Variants in EPB41L3 observed in about 807,000 individuals in gnomAD.
EPB41L3 encodes erythrocyte membrane protein band 4.1 like 3.
Under a neutral mutation model 127.1 loss-of-function variants are expected in EPB41L3, and 57 were observed. That is an observed-to-expected ratio of 0.45 (90% CI 0.36 to 0.56). EPB41L3 has a LOEUF of 0.56. Ranked by LOEUF, EPB41L3 falls within the 20% of genes least tolerant of loss-of-function variation. The pLI is 0.00. For missense variants in EPB41L3, 1,273 were observed against 1,372.2 expected (o/e 0.93, Z 1.14); for synonymous variants, 572 against 549.5 (o/e 1.04, Z -0.57).
At chr18:5,461,735 C>T (rs996085146) in intron 3 of EPB41L3, among the ~76,000 whole-genome samples, 1 of 152,098 alleles carries the variant, frequency 6.6e-6, no homozygotes, top group African/African-American at 2.4e-5. Context: ...AAAATATCCA[C>T]AATAGCAATC....
intron 3 of EPB41L3, among the ~76,000 whole-genome samples, chr18:5,596,331 C>T (rs79595961): frequency 0.012 from 1,779 of 152,304 alleles, 27 homozygotes; most frequent in African/African-American, 0.035. Context: ...GTAAGGCTGA[C>T]GTGCTGGTCA....
chr18:5,550,667 G>C (rs954187321), intron 3 of EPB41L3, among the ~76,000 whole-genome samples: 1 of 152,140 alleles, frequency 6.6e-6, no homozygotes, highest in African/African-American at 2.4e-5. Context: ...GCCCCAGAAG[G>C]CTTCTTCTAT....
intron 16 of EPB41L3, among the ~76,000 whole-genome samples, chr18:5,405,811 A>T (rs1270787792): frequency 1.1e-4 from 6 of 56,516 alleles, no homozygotes; most frequent in South Asian, 1.1e-3. Flanking sequence ...AACAAAAAAA[A>T]CTATGTCTCA....
At chr18:5,605,995 A>G (rs1170952161) in intron 3 of EPB41L3, among the ~76,000 whole-genome samples, 1 of 152,158 alleles carries the variant, frequency 6.6e-6, no homozygotes, top group East Asian at 1.9e-4. Context: ...AATGGCACAC[A>G]CACCAATGGG....
chr18:5,594,760 G>A (rs917044517), intron 3 of EPB41L3, among the ~76,000 whole-genome samples: 1 of 152,184 alleles, frequency 6.6e-6, no homozygotes, highest in Admixed American at 6.5e-5. Context: ...TACTAAGGAT[G>A]AAGATTTGAT....
At chr18:5,535,985 T>C (rs2093560361) in intron 1 of EPB41L3, among the ~76,000 whole-genome samples, 1 of 152,300 alleles carries the variant, frequency 6.6e-6, no homozygotes, top group Non-Finnish European at 1.5e-5. Context: ...ATATTTTGAT[T>C]CTGGAGAGTC....
At chr18:5,404,526 G>A (rs1377048440) in intron 16 of EPB41L3, among the ~76,000 whole-genome samples, 1 of 152,078 alleles carries the variant, frequency 6.6e-6, no homozygotes, top group Non-Finnish European at 1.5e-5. Context: ...TTAATATCCA[G>A]GGAAAGTTCA....
chr18:5,595,122 G>A (rs898459544), intron 3 of EPB41L3, among the ~76,000 whole-genome samples: 1 of 152,080 alleles, frequency 6.6e-6, no homozygotes, highest in African/African-American at 2.4e-5. Flanking sequence ...ATTGACTTCT[G>A]GGCAAATGGT....
chr18:5,438,980 C>T (rs1340278569), intron 5 of EPB41L3, among the ~76,000 whole-genome samples: 1 of 152,020 alleles, frequency 6.6e-6, no homozygotes, highest in Non-Finnish European at 1.5e-5. Flanking sequence ...ATGGAAAATA[C>T]CCTTTTCTTT....
intron 1 of EPB41L3, among the ~76,000 whole-genome samples, chr18:5,508,988 G>A (rs1180986767): frequency 6.6e-6 from 1 of 152,108 alleles, no homozygotes; most frequent in Non-Finnish European, 1.5e-5. Flanking sequence ...TCATGGAAGT[G>A]TTACAAGACC....
intron 3 of EPB41L3, among the ~76,000 whole-genome samples, chr18:5,554,781 C>T (rs1182785508): frequency 4.3e-5 from 5 of 115,034 alleles, no homozygotes; most frequent in African/African-American, 1.3e-4. Flanking sequence ...AGGATTCAAG[C>T]AGGGCCCTCT....
chr18:5,398,392 T>C lies in EPB41L3; in HGVS notation c.2350-249A>G, dbSNP rs961780245. ...GATTTAAGCAGATATATATATTTTT[T>C]CCCCTTCATTGCAAGCCACAGCAGC... On this transcript the variant is annotated intron_variant, in intron 16 of 22. Coordinates refer to ENST00000341928, the MANE Select transcript of EPB41L3 (RefSeq NM_012307.5). The C allele has an allele frequency of 4.9e-5, 24 of 494,138 alleles. No homozygotes were observed. The Admixed American group carries it at 8.8e-4, about 18-fold the overall frequency. The allele number at this position is 494,138 out of a possible 1,614,324, so 30.6% of individuals were successfully genotyped here.
At chr18:5,625,556 C>T (rs978237688) in intron 1 of EPB41L3, among the ~76,000 whole-genome samples, 11 of 152,202 alleles carry the variant, frequency 7.2e-5, no homozygotes, top group African/African-American at 2.4e-4. Context: ...TGGGGAATAA[C>T]TGGGTAAAGT....
chr18:5,551,710 A>G lies in EPB41L3; in HGVS notation c.-306+60630T>C, dbSNP rs535932949. Among the ~76,000 whole-genome samples the G allele has an allele frequency of 2.5e-4, 38 of 152,312 alleles. No homozygotes were observed. The South Asian group carries it at 7.7e-3, about 31-fold the overall frequency. The stretch of plus-strand genomic sequence containing the variant: ...ACTCCAGCCTGGGCAACAGAGCAAG[A>G]CCCTATCTCAACAAAACAAAATTTT... On this transcript the variant is annotated intron_variant, in intron 3 of 21. Transcript: ENST00000545076.
At chr18:5,534,019 A>G (rs895183784) in intron 1 of EPB41L3, among the ~76,000 whole-genome samples, 1 of 151,988 alleles carries the variant, frequency 6.6e-6, no homozygotes, top group Non-Finnish European at 1.5e-5. Context: ...AAAAATTAGC[A>G]AGGCGTGGTG....
chr18:5,611,015 G>A lies in EPB41L3; in HGVS notation c.-306+1325C>T, dbSNP rs139387474. Among the ~76,000 whole-genome samples the A allele has an allele frequency of 6.6e-5, 10 of 152,288 alleles. No homozygotes were observed. In the East Asian group the frequency reaches 1.9e-3, roughly 29 times the overall value. ...CATCTGTCATAAGCTTTCCACATGAGCAGTCACCTTGGAAAACCAGGCTTT... is the reference window on the plus strand; with the variant it reads ...CATCTGTCATAAGCTTTCCACATGAACAGTCACCTTGGAAAACCAGGCTTT... On this transcript the variant is annotated intron_variant, in intron 3 of 21. Transcript: ENST00000545076.
intron 5 of EPB41L3, among the ~76,000 whole-genome samples, chr18:5,443,624 C>A (rs954906241): frequency 6.6e-6 from 1 of 152,188 alleles, no homozygotes; most frequent in East Asian, 1.9e-4. Context: ...TACTTGACAT[C>A]CATTCACAGG....
At chr18:5,439,300 A>G (rs1387075506) in intron 5 of EPB41L3, among the ~76,000 whole-genome samples, 1 of 152,088 alleles carries the variant, frequency 6.6e-6, no homozygotes, top group East Asian at 1.9e-4. Flanking sequence ...TACTCTCCCA[A>G]GACTTCCAAA....
At position 5,561,295 on chromosome 18, in the gene EPB41L3, A is replaced by T. The variant is rs183186399; in HGVS notation, c.-306+51045T>A. 1.4e-3 allele frequency among the ~76,000 whole-genome samples: 214 copies of T among 152,240 alleles called. 6 individuals are homozygous for T. In the East Asian group the frequency reaches 0.033, roughly 23 times the overall value. ...CCTGGCCAGTTGTAATTAATTTTTTAAATTTGCTTCATTTCTCAGCCTGGA... is the reference window on the plus strand; with the variant it reads ...CCTGGCCAGTTGTAATTAATTTTTTTAATTTGCTTCATTTCTCAGCCTGGA... On this transcript the variant is annotated intron_variant, in intron 3 of 21. Coordinates refer to the EPB41L3 transcript ENST00000545076.
Sources: gnomAD v4.1 joint callset for allele counts (sites outside exome capture counted in the v4.1 genomes callset) on GRCh38, gnomAD v4.1.1 for gene constraint, MANE v1.5 for transcripts, NCBI Gene and HGNC (gene_info 2026-07-23, HGNC 2026-07-21) for gene names.